BEND2: variants seen among roughly 807,000 people sequenced by gnomAD.
BEND2 encodes BEN domain containing 2.
BEND2 carries 19 observed loss-of-function variants against 43.8 expected under a neutral mutation model. That is an observed-to-expected ratio of 0.43 (90% CI 0.30 to 0.64). BEND2 has a LOEUF of 0.64. Among genes scored for constraint, BEND2 ranks in the 30% least tolerant of loss-of-function variants. BEND2 has a pLI of 0.11. For missense variants in BEND2, 544 were observed against 574.0 expected (o/e 0.95, Z 0.53); for synonymous variants, 226 against 210.1 (o/e 1.08, Z -0.66).
intron 2 of BEND2, among the ~76,000 whole-genome samples, chrX:18,216,082 G>A (rs1045912360): frequency 3.6e-5 from 4 of 111,204 alleles, no homozygotes; most frequent in African/African-American, 1.3e-4. Flanking sequence ...CCTGTTTCCT[G>A]CAACCTTGCT....
chrX:18,203,336 G>A (rs925116045), intron 5 of BEND2, among the ~76,000 whole-genome samples, 165 bp downstream of exon 5: 7 of 111,857 alleles, frequency 6.3e-5, no homozygotes, highest in Admixed American at 1.9e-4. Context: ...GAAAATTGGG[G>A]AAAGGGTATC....
intron 10 of BEND2, among the ~76,000 whole-genome samples, chrX:18,177,137 C>G (rs1324358399): frequency 3.6e-5 from 4 of 110,018 alleles, no homozygotes; most frequent in Non-Finnish European, 5.7e-5. Flanking sequence ...GGCAGGAAGG[C>G]AGGAGGCTAA....
At chrX:18,219,223 G>A (rs1376895845) in intron 1 of BEND2, among the ~76,000 whole-genome samples, 1 of 112,493 alleles carries the variant, frequency 8.9e-6, no homozygotes, top group African/African-American at 3.2e-5. Context: ...AAAGCAAGGC[G>A]CAGCAAAGCT....
At chrX:18,166,336 A>C (rs763359254) in intron 13 of BEND2, among the ~76,000 whole-genome samples, 1 of 111,819 alleles carries the variant, frequency 8.9e-6, no homozygotes, top group South Asian at 3.8e-4. Context: ...CTAGTCATAA[A>C]AGAAGTTTCT....
chrX:18,174,112 G>C lies in BEND2; in HGVS notation c.1899C>G (p.Asn633Lys). ...MNNSKMREKRNLQPNSNAIPE... is the reference protein window; with the variant it reads ...MNNSKMREKRKLQPNSNAIPE... The stretch of plus-strand genomic sequence containing the variant: ...GGATAGCATTACTGTTTGGCTGCAA[G>C]TTCCTCTTTTCTCTCATTTTGGAGT... The change falls in exon 12 of 14, where the codon AAC becomes AAG. Residue 633 changes from asparagine (N) to lysine (K), a missense_variant. By Grantham distance (94) the Asn-to-Lys change is moderately conservative. Coordinates refer to ENST00000380033, the MANE Select transcript of BEND2 (RefSeq NM_153346.5). 1.7e-6 allele frequency: 2 copies of C among 1,211,648 alleles called. No individual in the cohort carries two copies. The highest frequency in any genetic ancestry group is 5.9e-5 in the East Asian group (2 of 33,822).
chrX:18,165,407 T>C lies in BEND2; in HGVS notation c.2186-184A>G, dbSNP rs765641688. 5.3e-5 allele frequency among the ~76,000 whole-genome samples: 6 copies of C among 112,324 alleles called. No homozygotes were observed. The South Asian group carries it at 1.1e-3, about 21-fold the overall frequency. On this transcript the variant is annotated intron_variant, in intron 13 of 13. Coordinates refer to ENST00000380033, the MANE Select transcript of BEND2 (RefSeq NM_153346.5). ...ATCTTTTAATCTAAAAAGAGAACTA[T>C]ATGAAACAGCACCATGCTTAAATCA... is the stretch of plus-strand genomic sequence containing the variant.
At position 18,174,070 on chromosome X, in the gene BEND2, T is replaced by C. The variant is rs1327106618; in HGVS notation, c.1941A>G (p.Glu647=). The change falls in exon 12 of 14, where the codon GAA becomes GAG. Residue 647 remains glutamate, a synonymous_variant. Transcript: ENST00000380033. The stretch of plus-strand genomic sequence containing the variant: ...GTTCCTCTGGATTATCAGTGGAAGG[T>C]TCTCGCATTCCTTCAGGGATAGCAT... ...NSNAIPEGMR[E]PSTDNPEEPG... 24 of 1,210,868 alleles carry C rather than the reference T, an allele frequency of 2.0e-5. No homozygotes were observed. The highest frequency in any genetic ancestry group is 2.7e-5 in the Non-Finnish European group (24 of 895,130).
At chrX:18,202,696 G>C (rs1252128593) in intron 5 of BEND2, among the ~76,000 whole-genome samples, 2 of 111,667 alleles carry the variant, frequency 1.8e-5, no homozygotes, top group Non-Finnish European at 3.8e-5. Flanking sequence ...AACACAAACA[G>C]ACCAAGACAT....
chrX:18,191,645 G>A (rs1924774047), intron 7 of BEND2, among the ~76,000 whole-genome samples: 1 of 110,135 alleles, frequency 9.1e-6, no homozygotes, highest in African/African-American at 3.3e-5. Flanking sequence ...TGCCTGAAAA[G>A]ATAAACAAAC....
At chrX:18,165,497 G>T (rs947824545) in intron 13 of BEND2, among the ~76,000 whole-genome samples, 1 of 111,711 alleles carries the variant, frequency 9.0e-6, no homozygotes, top group Non-Finnish European at 1.9e-5. Flanking sequence ...GCTGCCTTGA[G>T]TACCCAAGGT....
rs752085464 is a variant in BEND2, at chrX:18,191,079, T to C, written c.1210A>G (p.Met404Val). 2.5e-6 allele frequency: 3 copies of C among 1,209,193 alleles called. No individual in the cohort carries two copies. Among genetic ancestry groups the C allele is most frequent in the East Asian group, 3.0e-5 (1 of 33,751 alleles). The change falls in exon 8 of 14, where the codon ATG becomes GTG. Residue 404 changes from methionine to valine, a missense_variant. Transcript: ENST00000380033. ...TTTTTCATTTCAGTTGAGTAACTCA[T>C]TGTCCCATAACTCATTTGTGGGCCA... Reference protein sequence around the residue: ...ESGPQMSYGTMSYSTEMKNNC... With the variant: ...ESGPQMSYGTVSYSTEMKNNC...
In BEND2 at chrX:18,198,290, C is replaced by T. The variant is rs372799756; in HGVS notation, c.1034-2848G>A. On this transcript the variant is annotated intron_variant, in intron 6 of 13. Coordinates refer to ENST00000380033, the MANE Select transcript of BEND2 (RefSeq NM_153346.5). ...AACCTACAGAATGGGAGAAAATTTT[C>T]GCAACCTACTCATCTGACAAAGGGC... 8.1e-4 allele frequency among the ~76,000 whole-genome samples: 88 copies of T among 108,235 alleles called. 1 individual carries two copies. The East Asian group carries it at 0.013, about 16-fold the overall frequency. The allele number at this position is 108,235 out of a possible 115,157, so 94.0% of individuals were successfully genotyped here. A position where few individuals can be genotyped will look rare whatever the true frequency, so the allele number is the denominator to read the frequency against.
intron 8 of BEND2, among the ~76,000 whole-genome samples, chrX:18,187,252 G>A (rs1374579783): frequency 2.7e-5 from 3 of 111,460 alleles, no homozygotes; most frequent in African/African-American, 9.8e-5. Flanking sequence ...TGTACAAGAA[G>A]CACACTTCAC....
chrX:18,164,967 T>A lies in BEND2; in HGVS notation c.*42A>T. The A allele has an allele frequency of 1.7e-6, 2 of 1,143,813 alleles. No homozygotes were observed. The allele number at this position is 1,143,813 out of a possible 1,213,427, so 94.3% of individuals were successfully genotyped here. On this transcript the variant is annotated 3_prime_UTR_variant, in exon 14 of 14. Coordinates refer to ENST00000380033, the MANE Select transcript of BEND2 (RefSeq NM_153346.5). The stretch of plus-strand genomic sequence containing the variant: ...AGAACTTGAGAAACTTACAAAATAG[T>A]CTTAACAGTTAAAAAAAAAAAAAAA...
At chrX:18,187,006 A>C (rs747769719) in intron 8 of BEND2, among the ~76,000 whole-genome samples, 1 of 109,284 alleles carries the variant, frequency 9.2e-6, no homozygotes, top group Non-Finnish European at 1.9e-5. Context: ...CACACACACA[A>C]AAACAAGAAA....
At chrX:18,177,091 C>A (rs1175955423) in intron 10 of BEND2, among the ~76,000 whole-genome samples, 7 of 110,198 alleles carry the variant, frequency 6.4e-5, no homozygotes, top group Admixed American at 9.7e-5. Flanking sequence ...TCCTTAGTAT[C>A]CATGAGTTCT....
chrX:18,170,863 TACTCTAATGAGGC>T, intron 13 of BEND2, 125 bp downstream of exon 13: 2 of 1,056,037 alleles, frequency 1.9e-6, no homozygotes, highest in Admixed American at 5.4e-5. Flanking sequence ...CTCCTTGCTG[TACTCTAATGAGGC>T]ACTCAGTAAT....
chrX:18,170,713 T>C (rs1022790972), intron 13 of BEND2, among the ~76,000 whole-genome samples: 2 of 112,298 alleles, frequency 1.8e-5, no homozygotes, highest in African/African-American at 6.5e-5. Flanking sequence ...AATGAAGGTG[T>C]TTTGAGTTTC....
Position 18,220,877 on chromosome X carries a change from G to A in BEND2, c.-127C>T, listed in dbSNP as rs1925853462. On this transcript the variant is annotated 5_prime_UTR_variant, in exon 1 of 14. Coordinates refer to ENST00000380033, the MANE Select transcript of BEND2 (RefSeq NM_153346.5). The stretch of plus-strand genomic sequence containing the variant: ...TGGTAACTGCGTACACTCGTTGTCC[G>A]AGGCACAATGAGGCCCGGGCAGGAG... 1 of 731,670 alleles carries A rather than the reference G, an allele frequency of 1.4e-6. No homozygotes were observed. Among genetic ancestry groups the A allele is most frequent in the Non-Finnish European group, 2.0e-6 (1 of 506,209 alleles). The allele number at this position is 731,670 out of a possible 1,213,427, so 60.3% of individuals were successfully genotyped here.
Sources: allele counts gnomAD v4.1 joint callset (sites outside exome capture counted in the v4.1 genomes callset), GRCh38; gene constraint gnomAD v4.1.1; transcripts MANE v1.5; gene names NCBI Gene and HGNC (gene_info 2026-07-23, HGNC 2026-07-21).